The following FHIT variants were observed in gnomAD, a reference collection of about 807,000 sequenced individuals.
The protein encoded by FHIT is fragile histidine triad diadenosine triphosphatase.
FHIT carries 19 observed loss-of-function variants against 17.9 expected under a neutral mutation model. That is an observed-to-expected ratio of 1.06 (90% CI 0.74 to 1.56). FHIT has a LOEUF of 1.56. FHIT is among the 40% of genes most tolerant of loss of function. FHIT has a pLI of 0.00. For missense variants in FHIT, 248 were observed against 189.2 expected, an observed-to-expected ratio of 1.31 and a Z score of -1.82; for synonymous variants, 81 against 69.7, an observed-to-expected ratio of 1.16 and a Z score of -0.81.
At chr3:61,126,539 C>A (rs1209626811) in intron 2 of FHIT, among the ~76,000 whole-genome samples, 1 of 152,212 alleles carries the variant, frequency 6.6e-6, no homozygotes, top group Admixed American at 6.5e-5. Flanking sequence ...TGTGAGAACT[C>A]ACTCCCTATC....
chr3:60,973,239 G>A (rs987515322), intron 3 of FHIT, among the ~76,000 whole-genome samples: 3 of 152,124 alleles, frequency 2.0e-5, no homozygotes, highest in Non-Finnish European at 4.4e-5. Flanking sequence ...ATCCAGTTGA[G>A]GCTGGTATAT....
At chr3:60,217,410 T>C (rs1703743847) in intron 5 of FHIT, among the ~76,000 whole-genome samples, 1 of 152,214 alleles carries the variant, frequency 6.6e-6, no homozygotes. Context: ...CCTAAATATG[T>C]ATCATCTCTT....
At chr3:60,310,494 G>C (rs1487486293) in intron 5 of FHIT, among the ~76,000 whole-genome samples, 4 of 152,080 alleles carry the variant, frequency 2.6e-5, no homozygotes, top group African/African-American at 7.2e-5. Flanking sequence ...CCTAGGCCTA[G>C]GGGTCAGTAC....
At chr3:60,624,189 C>T (rs2039215736) in intron 4 of FHIT, among the ~76,000 whole-genome samples, 1 of 152,138 alleles carries the variant, frequency 6.6e-6, no homozygotes, top group Non-Finnish European at 1.5e-5. Context: ...AGGACGTATG[C>T]AGAGAAGTCC....
chr3:60,465,149 T>C (rs917882180), intron 5 of FHIT, among the ~76,000 whole-genome samples: 1 of 152,204 alleles, frequency 6.6e-6, no homozygotes, highest in Non-Finnish European at 1.5e-5. Flanking sequence ...CCTTTTCATA[T>C]ATTTGCCATT....
chr3:60,154,158 T>A (rs369062112), intron 5 of FHIT, among the ~76,000 whole-genome samples: 8 of 152,356 alleles, frequency 5.3e-5, no homozygotes, highest in African/African-American at 1.9e-4. Flanking sequence ...ATGCCAAGCA[T>A]GTGGGAGTTA....
rs1553750544 is a variant in FHIT, at chr3:60,347,676, G to GC, written c.103+189183_103+189184insG. 6.0e-3 allele frequency among the ~76,000 whole-genome samples: 105 copies of GC among 17,580 alleles called. 1 individual carries two copies. The highest frequency in any genetic ancestry group is 9.0e-3 in the Non-Finnish European group (89 of 9,892). 11.5% of individuals were successfully genotyped at this position (17,580 alleles called of 152,430 possible). On this transcript the variant is annotated intron_variant, in intron 5 of 9. Coordinates refer to ENST00000492590, the MANE Select transcript of FHIT (RefSeq NM_002012.4). ...CCTGTCTTCAGATCACCACTGGTTTGGGGGGGGGGGGGGTTTGTTTTTTGT... is the reference window on the plus strand; with the variant it reads ...CCTGTCTTCAGATCACCACTGGTTTGCGGGGGGGGGGGGGTTTGTTTTTTGT...
intron 5 of FHIT, among the ~76,000 whole-genome samples, chr3:60,066,441 G>A (rs1702508364): frequency 6.6e-6 from 1 of 151,926 alleles, no homozygotes; most frequent in Admixed American, 6.6e-5. Flanking sequence ...CTCCATGCAT[G>A]CATTATATTC....
At chr3:60,981,295 C>CTTTTTTTTTTTTTTTTTTTT (rs71100934) in intron 3 of FHIT, among the ~76,000 whole-genome samples, 1 of 124,500 alleles carries the variant, frequency 8.0e-6, no homozygotes, top group South Asian at 2.5e-4. Flanking sequence ...TTCTTCCTTC[C>CTTTTTTTTTTTTTTTTTTTT]TTTTTTTTTT....
chr3:60,773,614 T>C (rs1553723740), intron 4 of FHIT, among the ~76,000 whole-genome samples: 1 of 152,248 alleles, frequency 6.6e-6, no homozygotes, highest in East Asian at 1.9e-4. Flanking sequence ...AAGACTTTGG[T>C]TGTAACTAGA....
At chr3:60,094,794 G>T (rs940459512) in intron 5 of FHIT, among the ~76,000 whole-genome samples, 1 of 136,392 alleles carries the variant, frequency 7.3e-6, no homozygotes, top group Admixed American at 7.1e-5. Context: ...GGGAACACAA[G>T]GGGTGGGGGA....
intron 4 of FHIT, among the ~76,000 whole-genome samples, chr3:60,733,695 T>C (rs2042079144): frequency 6.6e-6 from 1 of 152,230 alleles, no homozygotes; most frequent in Non-Finnish European, 1.5e-5. Context: ...GCCTTTAGTA[T>C]GTATGCTCTG....
At chr3:60,788,749 TAC>T (rs1700670644) in intron 4 of FHIT, among the ~76,000 whole-genome samples, 1 of 152,180 alleles carries the variant, frequency 6.6e-6, no homozygotes, top group Admixed American at 6.5e-5. Context: ...AATACATGTA[TAC>T]ACATACACAT....
chr3:61,007,749 T>C (rs1190698148), intron 3 of FHIT, among the ~76,000 whole-genome samples: 1 of 152,170 alleles, frequency 6.6e-6, no homozygotes, highest in Non-Finnish European at 1.5e-5. Context: ...AGGATCCCTT[T>C]TACCAGTTTG....
chr3:60,728,873 G>A (rs917907246), intron 4 of FHIT, among the ~76,000 whole-genome samples: 1 of 152,086 alleles, frequency 6.6e-6, no homozygotes, highest in African/African-American at 2.4e-5. Context: ...ATTACTTGTA[G>A]TTTTCCCCTT....
At chr3:60,861,229 G>GAT (rs1282676250) in intron 3 of FHIT, among the ~76,000 whole-genome samples, 6 of 11,260 alleles carry the variant, frequency 5.3e-4, no homozygotes, top group Non-Finnish European at 7.3e-4. Flanking sequence ...TGATATATAT[G>GAT]ATATATCATA....
chr3:59,925,901 G>C (rs1174716298), intron 7 of FHIT, among the ~76,000 whole-genome samples: 1 of 152,180 alleles, frequency 6.6e-6, no homozygotes, highest in Non-Finnish European at 1.5e-5. Context: ...CTAATAGAAT[G>C]ACATTCTGAT....
At chr3:61,114,354 C>T (rs1285076809) in intron 2 of FHIT, among the ~76,000 whole-genome samples, 2 of 152,144 alleles carry the variant, frequency 1.3e-5, no homozygotes, top group Admixed American at 6.6e-5. Context: ...TTATTAATAA[C>T]ATTTTGTCTT....
chr3:60,859,486 T>C (rs1703528252), intron 3 of FHIT, among the ~76,000 whole-genome samples: 1 of 151,892 alleles, frequency 6.6e-6, no homozygotes. Context: ...GTTACGTGGG[T>C]CCAAATGACT....
Sources: gnomAD v4.1 joint callset for allele counts (sites outside exome capture counted in the v4.1 genomes callset) on GRCh38, gnomAD v4.1.1 for gene constraint, MANE v1.5 for transcripts, NCBI Gene and HGNC (gene_info 2026-07-23, HGNC 2026-07-21) for gene names.